The following PCTP variants were observed in gnomAD, a reference collection of about 807,000 sequenced individuals.
The protein encoded by PCTP is START domain-containing protein 2.
A neutral mutation model predicts 31.0 loss-of-function variants in PCTP; 27 were observed. The observed-to-expected ratio is 0.87, with a 90% CI of 0.64 to 1.20. The LOEUF is 1.20. Ranked by LOEUF, PCTP falls within the 50% of genes most tolerant of loss-of-function variation. The probability of loss-of-function intolerance (pLI) is 0.00; values close to 1 mark genes in which losing one functional copy is unlikely to be tolerated. For synonymous variants in PCTP, 108 were observed against 101.2 expected, an observed-to-expected ratio of 1.07 and a Z score of -0.40; for missense variants, 287 against 268.2, an observed-to-expected ratio of 1.07 and a Z score of -0.49.
chr17:55,795,276 A>T (rs1297910375), intron 3 of PCTP, among the ~76,000 whole-genome samples: 1 of 151,998 alleles, frequency 6.6e-6, no homozygotes, highest in Non-Finnish European at 1.5e-5. Flanking sequence ...TTGTAACTTC[A>T]CGTAGTCTGA....
intron 3 of PCTP, among the ~76,000 whole-genome samples, chr17:55,813,127 A>G (rs1214161823): frequency 6.6e-6 from 1 of 152,196 alleles, no homozygotes; most frequent in Admixed American, 6.5e-5. Flanking sequence ...GTTTCGTTTT[A>G]TATCCAGTAA....
intron 3 of PCTP, among the ~76,000 whole-genome samples, chr17:55,796,204 G>C (rs1381550186): frequency 6.6e-6 from 1 of 151,958 alleles, no homozygotes; most frequent in Non-Finnish European, 1.5e-5. Flanking sequence ...ATTTCTCTTA[G>C]AACTGGATTG....
chr17:55,799,500 A>G (rs1457363079), intron 3 of PCTP, among the ~76,000 whole-genome samples: 2 of 151,402 alleles, frequency 1.3e-5, no homozygotes, highest in African/African-American at 2.4e-5. Context: ...TGAATACAGC[A>G]CACCAATGGG....
chr17:55,783,412 G>GACA, intron 2 of PCTP, among the ~76,000 whole-genome samples: 1 of 152,082 alleles, frequency 6.6e-6, no homozygotes, highest in East Asian at 1.9e-4. Flanking sequence ...TATGGGGAGG[G>GACA]GACTGTGGGT....
intron 1 of PCTP, among the ~76,000 whole-genome samples, chr17:55,758,703 G>C (rs763806207): frequency 1.3e-5 from 2 of 152,136 alleles, no homozygotes; most frequent in South Asian, 4.2e-4. Context: ...ATAGACCAAG[G>C]CCAGCTCCTT....
chr17:55,790,719 G>A (rs1167669474), intron 3 of PCTP, among the ~76,000 whole-genome samples: 1 of 150,688 alleles, frequency 6.6e-6, no homozygotes, highest in African/African-American at 2.5e-5. Context: ...CGTGAAAATG[G>A]CCATACTGCC....
intron 2 of PCTP, among the ~76,000 whole-genome samples, chr17:55,768,121 T>C (rs922562472): frequency 3.9e-5 from 6 of 152,110 alleles, no homozygotes; most frequent in Non-Finnish European, 8.8e-5. Flanking sequence ...TTTTATTTAT[T>C]CTTGCCAGTA....
At position 55,773,864 on chromosome 17, in the gene PCTP, G is replaced by C; in HGVS notation, c.480G>C (p.Ala160=). Residue 160 remains alanine (A), a synonymous_variant, in exon 4 of 6, where the codon GCG becomes GCC. Transcript: ENST00000268896. ...IRVKQYKQSL[A]IESDGKKGSK... Reference sequence around the variant, plus strand: ...TGAAGCAATACAAGCAGAGCCTGGCGATCGAGAGTGACGGCAAGAAGGGGA... The same window carrying C: ...TGAAGCAATACAAGCAGAGCCTGGCCATCGAGAGTGACGGCAAGAAGGGGA... 1.2e-6 allele frequency: 2 copies of C among 1,611,108 alleles called. No homozygotes were observed. Among genetic ancestry groups the C allele is most frequent in the East Asian group, 4.5e-5 (2 of 44,718 alleles).
At chr17:55,851,422 T>C in the PCTP span, among the ~76,000 whole-genome samples, 1 of 152,226 alleles carries the variant, frequency 6.6e-6, no homozygotes, top group Non-Finnish European at 1.5e-5. Context: ...ACTCAAGCTC[T>C]CAGCTAGCAC....
chr17:55,776,379 C>T lies in PCTP; in HGVS notation c.*279C>T. 1 of 1,274,708 alleles carries T rather than the reference C, an allele frequency of 7.8e-7. No homozygotes were observed. Among genetic ancestry groups the T allele is most frequent in the Middle Eastern group, 3.0e-4 (1 of 3,384 alleles). 79.0% of individuals were successfully genotyped at this position (1,274,708 alleles called of 1,614,324 possible). A position where few individuals can be genotyped will look rare whatever the true frequency, so the allele number is the denominator to read the frequency against. Reference sequence around the variant, plus strand: ...CCTTCTTCTACAGTTCAATATGGGGCAGACTAGGGAAACCTTTGCTTGCTT... The same window carrying T: ...CCTTCTTCTACAGTTCAATATGGGGTAGACTAGGGAAACCTTTGCTTGCTT... On this transcript the variant is annotated 3_prime_UTR_variant, in exon 6 of 6. Transcript: ENST00000268896.
intron 1 of PCTP, among the ~76,000 whole-genome samples, chr17:55,757,475 C>CGT (rs1567710250): frequency 7.4e-6 from 1 of 134,624 alleles, no homozygotes. Flanking sequence ...CACACACACA[C>CGT]GTATGTATAT....
chr17:55,850,534 G>A, the PCTP span, among the ~76,000 whole-genome samples: 27 of 152,238 alleles, frequency 1.8e-4, no homozygotes, highest in African/African-American at 5.8e-4. Context: ...GTTTCACAAA[G>A]TTTGCATAAG....
chr17:55,777,929 G>A (rs530810640), downstream of PCTP, among the ~76,000 whole-genome samples: 165 of 152,236 alleles, frequency 1.1e-3, no homozygotes, highest in Non-Finnish European at 1.9e-3. Context: ...TGAAATAAAA[G>A]CACTGAGATT....
chr17:55,814,467 G>A lies in PCTP; in HGVS notation c.318-8294G>A, dbSNP rs540166324. Reference sequence around the variant, plus strand: ...ACTGAGCAGCTGCTCCTGGGGCCAGGCACCTCTGGCTGTGCCAGCAGCTGT... The same window carrying A: ...ACTGAGCAGCTGCTCCTGGGGCCAGACACCTCTGGCTGTGCCAGCAGCTGT... On this transcript the variant is annotated intron_variant, in intron 3 of 3. Transcript: ENST00000572536. Among the ~76,000 whole-genome samples the A allele has an allele frequency of 2.6e-5, 4 of 152,232 alleles. No individual in the cohort carries two copies. In the East Asian group the frequency reaches 7.7e-4, roughly 29 times the overall value.
At chr17:55,802,080 A>C (rs1306313808) in intron 3 of PCTP, among the ~76,000 whole-genome samples, 1 of 152,254 alleles carries the variant, frequency 6.6e-6, no homozygotes, top group South Asian at 2.1e-4. Flanking sequence ...ACAGAATACT[A>C]TAAACACCTC....
Position 55,761,221 on chromosome 17 carries a change from C to T in PCTP, c.142-6114C>T, listed in dbSNP as rs1910324784. Among the ~76,000 whole-genome samples, 3 of 152,076 alleles carry T rather than the reference C, an allele frequency of 2.0e-5. No individual in the cohort carries two copies. In the South Asian group the frequency reaches 6.2e-4, roughly 31 times the overall value. On this transcript the variant is annotated intron_variant, in intron 1 of 5. Coordinates refer to ENST00000268896, the MANE Select transcript of PCTP (RefSeq NM_021213.4). ...CATCACAGGGCTATCTTAGCTGTTA[C>T]ATGAGAGAATGAATATAAAACGTTG...
intron 2 of PCTP, among the ~76,000 whole-genome samples, chr17:55,782,580 G>A (rs1911601897): frequency 6.6e-6 from 1 of 152,126 alleles, no homozygotes; most frequent in African/African-American, 2.4e-5. Context: ...GGTAGACTGG[G>A]AACTCAAAGC....
intron 3 of PCTP, among the ~76,000 whole-genome samples, chr17:55,809,116 C>G (rs910508682): frequency 6.6e-6 from 1 of 152,174 alleles, no homozygotes; most frequent in Non-Finnish European, 1.5e-5. Flanking sequence ...TATTAGCTTA[C>G]TTCTTCTCTG....
In PCTP at chr17:55,775,338, C is replaced by T. The variant is rs1030260862; in HGVS notation, c.579+479C>T. The stretch of plus-strand genomic sequence containing the variant: ...AGGGAACTGCAGTGGTAGTTTGTAT[C>T]ACTAGAGACTGCCCAGGAGCCTGGC... On this transcript the variant is annotated intron_variant, in intron 5 of 5. Coordinates refer to ENST00000268896, the MANE Select transcript of PCTP (RefSeq NM_021213.4). 4.9e-6 allele frequency: 6 copies of T among 1,231,514 alleles called. No homozygotes were observed. In the African/African-American group the frequency reaches 9.4e-5, roughly 19 times the overall value. The allele number at this position is 1,231,514 out of a possible 1,614,324, so 76.3% of individuals were successfully genotyped here.
Sources: allele counts gnomAD v4.1 joint callset (sites outside exome capture counted in the v4.1 genomes callset), GRCh38; gene constraint gnomAD v4.1.1; transcripts MANE v1.5; gene names NCBI Gene and HGNC (gene_info 2026-07-23, HGNC 2026-07-21).